The following OR3A2 variants were observed in gnomAD, a reference collection of about 807,000 sequenced individuals.
OR3A2 encodes olfactory receptor family 3 subfamily A member 2, also known as olfactory receptor 3A2.
For synonymous variants in OR3A2, 126 were observed against 159.3 expected (o/e 0.79, Z 1.57); for missense variants, 318 against 392.8 (o/e 0.81, Z 1.61).
intron 3 of OR3A2, among the ~76,000 whole-genome samples, chr17:3,326,305 C>T (rs1435571899): frequency 2.6e-5 from 4 of 151,992 alleles, no homozygotes; most frequent in Non-Finnish European, 4.4e-5. Flanking sequence ...GGTTTATACC[C>T]AGTAATGGGA....
chr17:3,304,797 T>G (rs2048988724), intron 3 of OR3A2, among the ~76,000 whole-genome samples: 1 of 148,410 alleles, frequency 6.7e-6, no homozygotes, highest in Non-Finnish European at 1.5e-5. Context: ...ACTAGGTATA[T>G]TCATACGATG....
chr17:3,315,764 GGTAGTAAGATGA>G (rs71153342), intron 3 of OR3A2, among the ~76,000 whole-genome samples: 79,191 of 141,296 alleles, frequency 0.56, 23,075 homozygotes, highest in Admixed American at 0.67. Flanking sequence ...GGGGGGGGGC[GGTAGTAAGATGA>G]GTAGTAAGAT....
At chr17:3,372,871 G>GAAGGAGAA (rs2049644412) in intron 2 of OR3A2, among the ~76,000 whole-genome samples, 1 of 39,212 alleles carries the variant, frequency 2.6e-5, no homozygotes, top group African/African-American at 1.2e-4. Flanking sequence ...GAGAGGGAGA[G>GAAGGAGAA]GGAGAGGGAG....
At chr17:3,332,624 T>C (rs868613013) in intron 3 of OR3A2, among the ~76,000 whole-genome samples, 9 of 152,158 alleles carry the variant, frequency 5.9e-5, no homozygotes, top group Admixed American at 2.6e-4. Context: ...GAGATGAACC[T>C]GGTACCTCAG....
intron 3 of OR3A2, among the ~76,000 whole-genome samples, chr17:3,289,409 T>C (rs1212446698): frequency 6.6e-6 from 1 of 152,210 alleles, no homozygotes; most frequent in Admixed American, 6.5e-5. Context: ...TTGGCCATTG[T>C]CTATGATGCT....
At chr17:3,330,736 T>G (rs2049224533) in intron 3 of OR3A2, among the ~76,000 whole-genome samples, 1 of 152,180 alleles carries the variant, frequency 6.6e-6, no homozygotes, top group African/African-American at 2.4e-5. Flanking sequence ...TTGTTATGTG[T>G]GAATTTGATC....
chr17:3,368,790 G>T (rs2049585449), intron 2 of OR3A2, among the ~76,000 whole-genome samples: 1 of 152,050 alleles, frequency 6.6e-6, no homozygotes, highest in African/African-American at 2.4e-5. Flanking sequence ...ATGGTACTTT[G>T]GTGAGCATTG....
chr17:3,356,867 T>C (rs1056577831), intron 2 of OR3A2, among the ~76,000 whole-genome samples: 2 of 151,670 alleles, frequency 1.3e-5, no homozygotes, highest in Non-Finnish European at 2.9e-5. Flanking sequence ...AAGTACTGAG[T>C]TTAAAACTTC....
chr17:3,371,634 T>G (rs2049622937), intron 2 of OR3A2, among the ~76,000 whole-genome samples: 2 of 101,338 alleles, frequency 2.0e-5, no homozygotes, highest in East Asian at 3.6e-4. Flanking sequence ...CACTTCCCAG[T>G]AGGGGAGGCC....
downstream of OR3A2, among the ~76,000 whole-genome samples, chr17:3,276,382 G>A (rs1418227952): frequency 1.3e-5 from 2 of 152,148 alleles, no homozygotes; most frequent in African/African-American, 2.4e-5. Context: ...ACAGGAAATC[G>A]CTAGAGGAAA....
chr17:3,344,392 C>A (rs1192276650), intron 2 of OR3A2, among the ~76,000 whole-genome samples: 1 of 152,128 alleles, frequency 6.6e-6, no homozygotes, highest in Non-Finnish European at 1.5e-5. Flanking sequence ...AACAAGATAG[C>A]CTTGTGGTTG....
chr17:3,339,376 G>A (rs772887616), intron 2 of OR3A2, among the ~76,000 whole-genome samples: 5 of 152,162 alleles, frequency 3.3e-5, no homozygotes, highest in Non-Finnish European at 5.9e-5. Context: ...TCCAGTTTTT[G>A]CCCATTCAGA....
intron 3 of OR3A2, among the ~76,000 whole-genome samples, chr17:3,335,222 C>T (rs1597346914): frequency 6.6e-6 from 1 of 152,100 alleles, no homozygotes; most frequent in South Asian, 2.1e-4. Context: ...TTAACCTTTT[C>T]ATATTTTCTG....
intron 2 of OR3A2, among the ~76,000 whole-genome samples, chr17:3,338,149 T>G (rs576592625): frequency 6.6e-6 from 1 of 152,352 alleles, no homozygotes; most frequent in South Asian, 2.1e-4. Flanking sequence ...TTGTTTAAGT[T>G]CTTTGTAGAT....
intron 3 of OR3A2, chr17:3,310,542 A>G (rs767683039): frequency 1.5e-5 from 8 of 535,948 alleles, no homozygotes; most frequent in Non-Finnish European, 3.1e-5. Flanking sequence ...GGGGTGTGTC[A>G]GTGTCACTGT....
chr17:3,358,465 G>A (rs1336632559), intron 2 of OR3A2, among the ~76,000 whole-genome samples: 1 of 151,652 alleles, frequency 6.6e-6, no homozygotes, highest in East Asian at 1.9e-4. Flanking sequence ...CAGAAATTCT[G>A]CTATGTTGTA....
chr17:3,288,404 T>C (rs2048835407), upstream of OR3A2, among the ~76,000 whole-genome samples: 1 of 152,146 alleles, frequency 6.6e-6, no homozygotes, highest in Non-Finnish European at 1.5e-5. Context: ...TAACAGGCTA[T>C]TTCATATAGC....
At chr17:3,385,742 A>G (rs757442832) in intron 1 of OR3A2, among the ~76,000 whole-genome samples, 4 of 152,212 alleles carry the variant, frequency 2.6e-5, no homozygotes, top group Non-Finnish European at 4.4e-5. Context: ...GTTTCTTCAT[A>G]AAATTAAGAT....
chr17:3,303,542 T>A (rs2048980015), intron 3 of OR3A2, among the ~76,000 whole-genome samples: 1 of 151,214 alleles, frequency 6.6e-6, no homozygotes, highest in African/African-American at 2.4e-5. Context: ...GAGATCGAGA[T>A]CATCCTGGCC....
Sources: gnomAD v4.1 joint callset for allele counts (sites outside exome capture counted in the v4.1 genomes callset) on GRCh38, gnomAD v4.1.1 for gene constraint, MANE v1.5 for transcripts, NCBI Gene and HGNC (gene_info 2026-07-23, HGNC 2026-07-21) for gene names.